The following TMEM217 variants were observed in gnomAD, a reference collection of about 807,000 sequenced individuals.
TMEM217 encodes the protein transmembrane protein 217, also known as chromosome 6 open reading frame 128.
For missense variants in TMEM217, 204 were observed against 248.8 expected, an observed-to-expected ratio of 0.82 and a Z score of 1.21; for synonymous variants, 76 against 88.3, an observed-to-expected ratio of 0.86 and a Z score of 0.78.
chr6:37,225,993 T>C (rs1763800420), intron 1 of TMEM217, among the ~76,000 whole-genome samples: 1 of 152,182 alleles, frequency 6.6e-6, no homozygotes, highest in Non-Finnish European at 1.5e-5. Context: ...AAATCAGCCA[T>C]TGTCTTTTGG....
chr6:37,215,369 G>T, downstream of TMEM217: 1 of 1,459,448 alleles, frequency 6.9e-7, no homozygotes, highest in Non-Finnish European at 9.2e-7. Context: ...GAGGTCAGGA[G>T]TTCAAGACCA....
chr6:37,218,824 G>A, exon 2 of TMEM217: 1 of 1,614,210 alleles, frequency 6.2e-7, no homozygotes, highest in Non-Finnish European at 8.5e-7. Context: ...AAGACAGGAA[G>A]AGGACGATTT....
At chr6:37,236,505 A>G (rs973212018) in intron 1 of TMEM217, among the ~76,000 whole-genome samples, 1 of 152,050 alleles carries the variant, frequency 6.6e-6, no homozygotes, top group Non-Finnish European at 1.5e-5. Context: ...CTGAAAATGC[A>G]AGGGAATAAT....
intron 1 of TMEM217, among the ~76,000 whole-genome samples, chr6:37,230,058 G>C (rs998822287): frequency 6.6e-6 from 1 of 152,228 alleles, no homozygotes; most frequent in African/African-American, 2.4e-5. Context: ...CTTGCTGGCT[G>C]TTAGCTGAGG....
intron 1 of TMEM217, among the ~76,000 whole-genome samples, chr6:37,241,187 C>A (rs1357308067): frequency 1.3e-5 from 2 of 151,150 alleles, no homozygotes; most frequent in Admixed American, 6.6e-5. Flanking sequence ...CACCTTTGAC[C>A]TCCTGGGCCC....
At chr6:37,236,583 T>C (rs902927786) in intron 1 of TMEM217, among the ~76,000 whole-genome samples, 1 of 152,208 alleles carries the variant, frequency 6.6e-6, no homozygotes, top group African/African-American at 2.4e-5. Context: ...CAGGCTTCAA[T>C]CTTGGCTTCA....
chr6:37,233,719 C>G (rs993690661), intron 1 of TMEM217, among the ~76,000 whole-genome samples: 2 of 152,200 alleles, frequency 1.3e-5, no homozygotes, highest in Non-Finnish European at 2.9e-5. Flanking sequence ...CATCACGTCT[C>G]CTTTGGACAA....
chr6:37,220,870 A>G (rs985717610), intron 1 of TMEM217, among the ~76,000 whole-genome samples: 5 of 152,130 alleles, frequency 3.3e-5, no homozygotes, highest in Admixed American at 1.3e-4. Context: ...TATGATTACT[A>G]TATTTTTGCA....
At chr6:37,231,469 T>C (rs1446246661) in intron 1 of TMEM217, among the ~76,000 whole-genome samples, 5 of 150,338 alleles carry the variant, frequency 3.3e-5, no homozygotes, top group African/African-American at 9.7e-5. Flanking sequence ...GGTCAGGAGA[T>C]GGAGACCATC....
intron 1 of TMEM217, among the ~76,000 whole-genome samples, chr6:37,255,022 G>A (rs939596554): frequency 3.3e-5 from 5 of 152,206 alleles, no homozygotes; most frequent in African/African-American, 1.2e-4. Context: ...GATCTGACAG[G>A]AGGCGGAGCT....
intron 1 of TMEM217, among the ~76,000 whole-genome samples, chr6:37,252,452 C>G (rs919083382): frequency 9.2e-5 from 14 of 151,518 alleles, no homozygotes; most frequent in Admixed American, 2.6e-4. Flanking sequence ...CCCTGGTTGA[C>G]ATACATACAT....
At chr6:37,212,318 C>G (rs1382993775) in exon 4 of TMEM217, 1 of 354,826 alleles carries the variant, frequency 2.8e-6, no homozygotes, top group Non-Finnish European at 5.6e-6. Context: ...AAAGCCCTGA[C>G]AAACCAAGCA....
intron 1 of TMEM217, among the ~76,000 whole-genome samples, chr6:37,224,968 C>T (rs996865573): frequency 6.6e-6 from 1 of 150,734 alleles, no homozygotes; most frequent in Non-Finnish European, 1.5e-5. Flanking sequence ...TGCTTGAGTA[C>T]AGGAGTTCGA....
chr6:37,241,676 T>C (rs1316860724), intron 1 of TMEM217, among the ~76,000 whole-genome samples: 1 of 152,208 alleles, frequency 6.6e-6, no homozygotes, highest in African/African-American at 2.4e-5. Context: ...AGAGATTGAA[T>C]TTTTTTCTAG....
intron 1 of TMEM217, among the ~76,000 whole-genome samples, chr6:37,224,731 C>T (rs1763719132): frequency 6.6e-6 from 1 of 152,094 alleles, no homozygotes; most frequent in African/African-American, 2.4e-5. Flanking sequence ...GCTGGGATTA[C>T]AGGAGTGAGC....
At chr6:37,234,593 A>G (rs1017474815) in intron 1 of TMEM217, among the ~76,000 whole-genome samples, 6 of 152,038 alleles carry the variant, frequency 3.9e-5, no homozygotes, top group Admixed American at 2.0e-4. Flanking sequence ...ACATCTGGCC[A>G]GATGTGGTGG....
chr6:37,230,101 G>T (rs186903667), intron 1 of TMEM217, among the ~76,000 whole-genome samples: 67 of 152,216 alleles, frequency 4.4e-4, no homozygotes, highest in Admixed American at 2.2e-3. Context: ...CTCCTTCCAG[G>T]CCTTGCTCCT....
chr6:37,238,429 T>C (rs1764601643), intron 1 of TMEM217, among the ~76,000 whole-genome samples: 1 of 152,206 alleles, frequency 6.6e-6, no homozygotes, highest in Non-Finnish European at 1.5e-5. Context: ...TATTTCCACC[T>C]TCTTTGCTAC....
downstream of TMEM217, chr6:37,215,136 C>CT: frequency 6.3e-7 from 1 of 1,598,870 alleles, no homozygotes; most frequent in Non-Finnish European, 8.5e-7. Context: ...TAATAATGGC[C>CT]TAACTTCCCT....
Sources: allele counts gnomAD v4.1 joint callset (sites outside exome capture counted in the v4.1 genomes callset), GRCh38; gene constraint gnomAD v4.1.1; transcripts MANE v1.5; gene names NCBI Gene and HGNC (gene_info 2026-07-23, HGNC 2026-07-21).